Variants in ASTN2 observed in about 807,000 individuals in gnomAD.
ASTN2 encodes astrotactin-2.
In ASTN2, 54 loss-of-function variants were observed where a neutral mutation model predicts 139.8. That is an observed-to-expected ratio of 0.39 (90% CI 0.31 to 0.48). ASTN2 has a LOEUF of 0.48. Among genes scored for constraint, ASTN2 ranks in the 20% least tolerant of loss-of-function variants. The pLI, the probability that ASTN2 is intolerant of heterozygous loss-of-function variation, is 0.95. For synonymous variants in ASTN2, 756 were observed against 719.5 expected (o/e 1.05, Z -0.81); for missense variants, 1,565 against 1,725.1 (o/e 0.91, Z 1.64).
chr9:117,366,501 A>C (rs1829847259), intron 1 of ASTN2, among the ~76,000 whole-genome samples: 1 of 151,658 alleles, frequency 6.6e-6, no homozygotes, highest in South Asian at 2.1e-4. Context: ...TCTGGGACAA[A>C]AATTTAAATC....
Position 117,060,462 on chromosome 9 carries a change from AAGGAAGG to A in ASTN2, c.1277-20504_1277-20498del, listed in dbSNP as rs1564406694. ...AGAGAGAGAAAGAAAGAAAGAAAGG[AAGGAAGG>A]AAGGAAGGAAGGAAGGAATGAAAGA... is the stretch of plus-strand genomic sequence containing the variant. On this transcript the variant is annotated intron_variant, in intron 5 of 22. Transcript: ENST00000313400. Among the ~76,000 whole-genome samples, 167 of 90,798 alleles carry A rather than the reference AAGGAAGG, an allele frequency of 1.8e-3. 21 individuals carry two copies. Among genetic ancestry groups the A allele is most frequent in the African/African-American group, 4.3e-3 (81 of 18,694 alleles). The allele number at this position is 90,798 out of a possible 152,430, so 59.6% of individuals were successfully genotyped here. A position where few individuals can be genotyped will look rare whatever the true frequency, so the allele number is the denominator to read the frequency against.
chr9:117,176,047 T>C (rs781675854), intron 3 of ASTN2, among the ~76,000 whole-genome samples: 1 of 151,532 alleles, frequency 6.6e-6, no homozygotes, highest in Non-Finnish European at 1.5e-5. Context: ...AAAACCATCA[T>C]AAAAATATGC....
chr9:116,613,891 G>A (rs1446789636), intron 19 of ASTN2, among the ~76,000 whole-genome samples: 2 of 152,284 alleles, frequency 1.3e-5, no homozygotes, highest in South Asian at 2.1e-4. Flanking sequence ...TCAGAGAGGA[G>A]AAAGAAATAA....
At chr9:116,573,003 G>A (rs1172860189) in intron 19 of ASTN2, among the ~76,000 whole-genome samples, 5 of 131,396 alleles carry the variant, frequency 3.8e-5, no homozygotes, top group Admixed American at 2.4e-4. Flanking sequence ...GTGCACACAT[G>A]TGGGTACATG....
At chr9:117,171,425 A>T (rs887985030) in intron 3 of ASTN2, among the ~76,000 whole-genome samples, 2 of 152,170 alleles carry the variant, frequency 1.3e-5, no homozygotes, top group Admixed American at 1.3e-4. Context: ...CTTTTCTCAA[A>T]GCACTGGTGT....
At chr9:117,010,229 G>A (rs1260165376) in intron 6 of ASTN2, among the ~76,000 whole-genome samples, 1 of 152,064 alleles carries the variant, frequency 6.6e-6, no homozygotes, top group African/African-American at 2.4e-5. Flanking sequence ...GAGAAGATAT[G>A]CAAATCTATC....
intron 13 of ASTN2, among the ~76,000 whole-genome samples, chr9:116,754,073 G>C (rs1246118805): frequency 6.8e-6 from 1 of 147,992 alleles, no homozygotes; most frequent in African/African-American, 2.5e-5. Flanking sequence ...TTGGTTTTCT[G>C]TTCTTGTGTT....
chr9:117,018,552 T>C (rs1400817073), intron 6 of ASTN2, among the ~76,000 whole-genome samples: 8 of 152,190 alleles, frequency 5.3e-5, no homozygotes, highest in Non-Finnish European at 1.0e-4. Flanking sequence ...CCTTTTTCTC[T>C]AGATCTCTTC....
At chr9:116,912,600 G>A (rs552772841) in intron 10 of ASTN2, among the ~76,000 whole-genome samples, 1 of 152,320 alleles carries the variant, frequency 6.6e-6, no homozygotes, top group South Asian at 2.1e-4. Context: ...CCCCTGAAGT[G>A]TATTTCATCC....
At chr9:116,596,865 G>A (rs1209397281) in intron 19 of ASTN2, among the ~76,000 whole-genome samples, 1 of 152,056 alleles carries the variant, frequency 6.6e-6, no homozygotes, top group Non-Finnish European at 1.5e-5. Flanking sequence ...TCCAGTTAAG[G>A]GAATCACTAG....
At chr9:116,751,125 C>G (rs1054106261) in intron 13 of ASTN2, among the ~76,000 whole-genome samples, 33 of 148,372 alleles carry the variant, frequency 2.2e-4, no homozygotes, top group African/African-American at 8.4e-4. Context: ...CCTAAGCAGG[C>G]TGTTAAATTT....
chr9:116,503,971 C>A (rs1167277811), intron 19 of ASTN2, among the ~76,000 whole-genome samples: 1 of 152,128 alleles, frequency 6.6e-6, no homozygotes, highest in East Asian at 1.9e-4. Flanking sequence ...AAGCTGACTT[C>A]ATGAACTTGG....
At chr9:117,043,457 A>C (rs912878942) in intron 5 of ASTN2, among the ~76,000 whole-genome samples, 2 of 152,140 alleles carry the variant, frequency 1.3e-5, no homozygotes, top group African/African-American at 4.8e-5. Context: ...AAACTACCAG[A>C]AATACACTAC....
intron 5 of ASTN2, among the ~76,000 whole-genome samples, chr9:117,075,653 G>A (rs953508505): frequency 1.2e-4 from 18 of 152,132 alleles, no homozygotes; most frequent in African/African-American, 3.4e-4. Flanking sequence ...GTGTGACTTT[G>A]TGACCAGAAG....
chr9:117,009,868 C>A (rs1588477578), intron 6 of ASTN2, among the ~76,000 whole-genome samples: 1 of 152,066 alleles, frequency 6.6e-6, no homozygotes, highest in African/African-American at 2.4e-5. Context: ...TGAGCAATGG[C>A]CAGGGAGGTG....
chr9:117,324,066 G>GA (rs1161411776), intron 1 of ASTN2, among the ~76,000 whole-genome samples: 5 of 151,988 alleles, frequency 3.3e-5, no homozygotes, highest in South Asian at 2.1e-4. Flanking sequence ...AATCCCATGT[G>GA]AAAAAAATGC....
At chr9:117,035,645 G>T (rs1481800495) in intron 6 of ASTN2, among the ~76,000 whole-genome samples, 1 of 152,162 alleles carries the variant, frequency 6.6e-6, no homozygotes, top group South Asian at 2.1e-4. Flanking sequence ...ACTTTGGAGA[G>T]CTGTTGGAGG....
At chr9:117,209,344 G>A (rs375673447) in intron 3 of ASTN2, among the ~76,000 whole-genome samples, 2 of 152,046 alleles carry the variant, frequency 1.3e-5, no homozygotes, top group African/African-American at 4.8e-5. Context: ...TAGAATGAAA[G>A]TGAAGGAACG....
chr9:116,964,926 C>T lies in ASTN2; in HGVS notation c.1889+10282G>A, dbSNP rs926180571. ...ATCCTCAGTATCTCCATTCACATGACTGTCCTTTCTCTCATGTCTCAGCAA... is the reference window on the plus strand; with the variant it reads ...ATCCTCAGTATCTCCATTCACATGATTGTCCTTTCTCTCATGTCTCAGCAA... On this transcript the variant is annotated intron_variant, in intron 10 of 22. Coordinates refer to ENST00000313400, the MANE Select transcript of ASTN2 (RefSeq NM_001365068.1). 2.6e-5 allele frequency among the ~76,000 whole-genome samples: 4 copies of T among 152,346 alleles called. No homozygotes were observed. In the East Asian group the frequency reaches 7.7e-4, roughly 29 times the overall value.
Sources: allele counts gnomAD v4.1 joint callset (sites outside exome capture counted in the v4.1 genomes callset), GRCh38; gene constraint gnomAD v4.1.1; transcripts MANE v1.5; gene names NCBI Gene and HGNC (gene_info 2026-07-23, HGNC 2026-07-21).